CLMP: variants seen among roughly 807,000 people sequenced by gnomAD.
CLMP encodes the protein CXADR-like membrane protein.
Under a neutral mutation model 45.2 loss-of-function variants are expected in CLMP, and 27 were observed. The ratio of observed to expected loss-of-function variants is 0.60; its 90% CI spans 0.44 to 0.82. CLMP has a LOEUF of 0.82. CLMP is among the 40% of genes least tolerant of loss of function. CLMP has a pLI of 0.00. For synonymous variants in CLMP, 167 were observed against 171.4 expected (o/e 0.97, Z 0.20); for missense variants, 403 against 448.4 (o/e 0.90, Z 0.91).
At chr11:123,178,986 A>G (rs538688257) in intron 1 of CLMP, among the ~76,000 whole-genome samples, 21 of 152,162 alleles carry the variant, frequency 1.4e-4, no homozygotes, top group South Asian at 2.1e-4. Context: ...GTGTCTCCCT[A>G]TGTTGCTCAG....
At chr11:123,074,882 G>C in intron 5 of CLMP, 39 bp from the exon 6 acceptor site, 28 of 1,600,228 alleles carry the variant, frequency 1.7e-5, no homozygotes, top group Non-Finnish European at 2.4e-5. Context: ...AAAACCAAAC[G>C]TAAGCTAGGA....
chr11:123,096,936 C>G (rs1865997847), intron 2 of CLMP, among the ~76,000 whole-genome samples: 2 of 150,650 alleles, frequency 1.3e-5, no homozygotes, highest in South Asian at 4.2e-4. Context: ...CTCAGGCGAT[C>G]CTCCTGCACT....
intron 2 of CLMP, among the ~76,000 whole-genome samples, chr11:123,096,943 C>A (rs1865997939): frequency 6.6e-6 from 1 of 151,274 alleles, no homozygotes; most frequent in African/African-American, 2.4e-5. Context: ...GATCCTCCTG[C>A]ACTCAAGCGA....
At chr11:123,180,282 T>C (rs977004552) in intron 1 of CLMP, among the ~76,000 whole-genome samples, 11 of 152,242 alleles carry the variant, frequency 7.2e-5, no homozygotes, top group African/African-American at 2.4e-4. Context: ...CTAATGTGTG[T>C]GTTTCCCACA....
At chr11:123,182,728 G>C (rs1861785589) in intron 1 of CLMP, among the ~76,000 whole-genome samples, 1 of 152,134 alleles carries the variant, frequency 6.6e-6, no homozygotes, top group South Asian at 2.1e-4. Flanking sequence ...CGGCAAAAGG[G>C]TGTAGGCCAG....
chr11:123,079,603 C>G (rs1419486273), intron 5 of CLMP, among the ~76,000 whole-genome samples: 1 of 151,886 alleles, frequency 6.6e-6, no homozygotes, highest in Non-Finnish European at 1.5e-5. Context: ...ACAGGCATGC[C>G]CAGCTAATTT....
At chr11:123,087,495 C>G (rs1315260660) in intron 2 of CLMP, among the ~76,000 whole-genome samples, 1 of 148,210 alleles carries the variant, frequency 6.7e-6, no homozygotes, top group Non-Finnish European at 1.5e-5. Flanking sequence ...GGCAACATAA[C>G]AAGATTCTGT....
chr11:123,186,748 C>T (rs1230153464), intron 1 of CLMP, among the ~76,000 whole-genome samples: 3 of 152,176 alleles, frequency 2.0e-5, no homozygotes, highest in African/African-American at 4.8e-5. Context: ...GTTTTGAACT[C>T]CTGACCTCCA....
chr11:123,135,088 C>T (rs12287708), intron 1 of CLMP, among the ~76,000 whole-genome samples: 41,714 of 151,598 alleles, frequency 0.28, 6,426 homozygotes, highest in African/African-American at 0.43. Context: ...GGTGAAACCC[C>T]GTCTCTACTA....
chr11:123,150,444 A>AAAGG (rs1205999669), intron 1 of CLMP, among the ~76,000 whole-genome samples: 38 of 80,334 alleles, frequency 4.7e-4, no homozygotes, highest in South Asian at 1.7e-3. Context: ...AGAAAGAAAG[A>AAAGG]AAGAAAGAAA....
intron 1 of CLMP, among the ~76,000 whole-genome samples, chr11:123,103,720 T>A (rs78031809): frequency 0.095 from 14,421 of 152,018 alleles, 791 homozygotes; most frequent in East Asian, 0.16. Flanking sequence ...TTCTTTCTTT[T>A]TTTTTACATT....
At chr11:123,132,787 A>T (rs1042719210) in intron 1 of CLMP, among the ~76,000 whole-genome samples, 33 of 144,224 alleles carry the variant, frequency 2.3e-4, no homozygotes, top group Middle Eastern at 8.1e-3. Flanking sequence ...TTATTTATTT[A>T]TTTTTTTTTG....
intron 1 of CLMP, among the ~76,000 whole-genome samples, chr11:123,110,291 T>G (rs1240851031): frequency 6.6e-6 from 1 of 151,866 alleles, no homozygotes; most frequent in East Asian, 1.9e-4. Context: ...CCGTCTCTAC[T>G]AAAAACACAA....
rs1861962720 is a variant in CLMP at position 123,195,030 on chromosome 11, G to A, written c.-90C>T. On this transcript the variant is annotated 5_prime_UTR_variant, in exon 1 of 7. Coordinates refer to ENST00000448775, the MANE Select transcript of CLMP (RefSeq NM_024769.5). ...CTCCGACGGACCTCGGGCGAGCTGGGCGCGGCGCCTCGGGGTGCGCGCGAG... is the reference window on the plus strand; with the variant it reads ...CTCCGACGGACCTCGGGCGAGCTGGACGCGGCGCCTCGGGGTGCGCGCGAG... 7.4e-7 allele frequency: 1 copy of A among 1,354,756 alleles called. No individual in the cohort carries two copies. Among genetic ancestry groups the A allele is most frequent in the Non-Finnish European group, 9.9e-7 (1 of 1,010,282 alleles). The allele number at this position is 1,354,756 out of a possible 1,614,324, so 83.9% of individuals were successfully genotyped here.
At chr11:123,085,066 T>A (rs1278706031) in intron 2 of CLMP, among the ~76,000 whole-genome samples, 4 of 151,994 alleles carry the variant, frequency 2.6e-5, no homozygotes, top group Non-Finnish European at 5.9e-5. Flanking sequence ...CATGCAAGTG[T>A]ACAGCTATGC....
chr11:123,089,121 A>G (rs1010902687), intron 2 of CLMP, among the ~76,000 whole-genome samples: 1 of 152,204 alleles, frequency 6.6e-6, no homozygotes, highest in African/African-American at 2.4e-5. Flanking sequence ...CCCGGGGCTC[A>G]TGCCTGTAAT....
Position 123,072,742 on chromosome 11 carries a change from A to G in CLMP, c.*732T>C, listed in dbSNP as rs1201455279. On this transcript the variant is annotated 3_prime_UTR_variant, in exon 7 of 7. Coordinates refer to ENST00000448775, the MANE Select transcript of CLMP (RefSeq NM_024769.5). ...AATGTTTGTCAACAATCCTCATAACATCATGAAGATGGAAAGCTCTTCACA... is the reference window on the plus strand; with the variant it reads ...AATGTTTGTCAACAATCCTCATAACGTCATGAAGATGGAAAGCTCTTCACA... 4 of 152,226 alleles carry G rather than the reference A, an allele frequency of 2.6e-5. No individual in the cohort carries two copies. The highest frequency in any genetic ancestry group is 9.6e-5 in the African/African-American group (4 of 41,454). The allele number at this position is 152,226 out of a possible 1,614,324, so 9.4% of individuals were successfully genotyped here.
intron 1 of CLMP, among the ~76,000 whole-genome samples, chr11:123,128,531 A>G (rs1441346180): frequency 6.6e-6 from 1 of 152,166 alleles, no homozygotes; most frequent in Non-Finnish European, 1.5e-5. Context: ...GTGGTGGCAC[A>G]AGCCTGTAGT....
chr11:123,169,809 C>T (rs1321499594), intron 1 of CLMP, among the ~76,000 whole-genome samples: 1 of 152,184 alleles, frequency 6.6e-6, no homozygotes, highest in African/African-American at 2.4e-5. Context: ...GGTGGGACAA[C>T]TCGAAGCAGA....
Sources: gnomAD v4.1 joint callset for allele counts (sites outside exome capture counted in the v4.1 genomes callset) on GRCh38, gnomAD v4.1.1 for gene constraint, MANE v1.5 for transcripts, NCBI Gene and HGNC (gene_info 2026-07-23, HGNC 2026-07-21) for gene names.